Variants in PKHD1L1 observed in about 807,000 individuals in gnomAD.
PKHD1L1 encodes PKHD1 like 1.
A neutral mutation model predicts 462.9 loss-of-function variants in PKHD1L1; 434 were observed. That is an observed-to-expected ratio of 0.94 (90% confidence interval 0.87 to 1.02). The LOEUF is 1.02. Among genes scored for constraint, PKHD1L1 ranks in the 50% least tolerant of loss-of-function variants. The pLI is 0.00. For synonymous variants in PKHD1L1, 1,781 were observed against 1,750.0 expected (o/e 1.02, Z -0.44); for missense variants, 5,202 against 5,096.1 (o/e 1.02, Z -0.63).
At position 109,518,434 on chromosome 8, in the gene PKHD1L1, A is replaced by G; in HGVS notation, c.11957A>G (p.Lys3986Arg). The G allele has an allele frequency of 6.2e-7, 1 of 1,611,994 alleles. No homozygotes were observed. The highest frequency in any genetic ancestry group is 8.5e-7 in the Non-Finnish European group (1 of 1,179,574). The change falls in exon 73 of 78, where the codon AAG becomes AGG. Residue 3986 changes from lysine to arginine, a missense_variant. Physicochemically the swap from Lys to Arg is conservative, Grantham distance 26. This residue lies in a region of PKHD1L1 where 698 missense variants were observed against 736.3 expected (regional missense o/e 0.95). Coordinates refer to ENST00000378402, the MANE Select transcript of PKHD1L1 (RefSeq NM_177531.6). ...ATAAGAGGGAAGAGTCTGAGGAGGA[A>G]GAGATCCATGGGATTCATAATTGAA... Reference protein sequence around the residue: ...SKIRGKSLRRKRSMGFIIEIE... With the variant: ...SKIRGKSLRRRRSMGFIIEIE...
chr8:109,464,773 A>G lies in PKHD1L1; in HGVS notation c.7941A>G (p.Ile2647Met), dbSNP rs755388010. The change falls in exon 49 of 78, where the codon ATA becomes ATG. Residue 2647 changes from isoleucine to methionine, a missense_variant. By Grantham distance (10) the Ile-to-Met change is conservative. This residue lies in a region of PKHD1L1 where 4,497 missense variants were observed against 4,336.8 expected (regional missense o/e 1.04). Transcript: ENST00000378402. ...SCTSTVPAPA[I>M]FNSLTTWNCQ... is the part of the protein sequence containing the mutation. ...CATCTACAGTGCCTGCACCTGCAAT[A>G]TTTAACTCACTTACTACTTGGAATT... 1 of 1,613,822 alleles carries G rather than the reference A, an allele frequency of 6.2e-7. No homozygotes were observed. The highest frequency in any genetic ancestry group is 1.7e-5 in the Admixed American group (1 of 59,972).
intron 51 of PKHD1L1, among the ~76,000 whole-genome samples, chr8:109,475,945 A>G (rs1817967806): frequency 6.6e-6 from 1 of 152,002 alleles, no homozygotes; most frequent in Admixed American, 6.6e-5. Flanking sequence ...TATGGTAGAT[A>G]AAGTGGAAGC....
At chr8:109,492,631 T>C (rs1818889937) in intron 62 of PKHD1L1, among the ~76,000 whole-genome samples, 1 of 151,878 alleles carries the variant, frequency 6.6e-6, no homozygotes, top group Non-Finnish European at 1.5e-5. Context: ...AGTATACATT[T>C]ATGAGGTTAA....
chr8:109,509,525 TAGA>T (rs1819865492), intron 70 of PKHD1L1, among the ~76,000 whole-genome samples: 1 of 151,272 alleles, frequency 6.6e-6, no homozygotes, highest in South Asian at 2.1e-4. Flanking sequence ...ATGAAGGTGT[TAGA>T]AGAATCACTG....
At chr8:109,477,759 A>G (rs754521777) in intron 53 of PKHD1L1, among the ~76,000 whole-genome samples, 4 of 152,150 alleles carry the variant, frequency 2.6e-5, no homozygotes, top group Non-Finnish European at 4.4e-5. Flanking sequence ...CAGCACCAGA[A>G]ACTAAGTCTC....
chr8:109,406,437 C>T lies in PKHD1L1; in HGVS notation c.1772C>T (p.Pro591Leu), dbSNP rs1213724056. The T allele has an allele frequency of 1.9e-6, 3 of 1,601,016 alleles. No individual in the cohort carries two copies. The highest frequency in any genetic ancestry group is 2.2e-5 in the East Asian group (1 of 44,510). Reference sequence around the variant, plus strand: ...GTTCAAGTAATAAGAACACAAAATCCCCAGAGCTATGTCTACATGGTAACA... The same window carrying T: ...GTTCAAGTAATAAGAACACAAAATCTCCAGAGCTATGTCTACATGGTAACA... ...DTVQVIRTQN[P>L]QSYVYMVTFI... is the part of the protein sequence containing the mutation. Residue 591 changes from proline (P) to leucine (L), a missense_variant, in exon 17 of 78, where the codon CCC becomes CTC. Physicochemically the swap from Pro to Leu is moderately conservative, Grantham distance 98. Coordinates refer to ENST00000378402, the MANE Select transcript of PKHD1L1 (RefSeq NM_177531.6).
In PKHD1L1 at chr8:109,536,009, G is replaced by A. The variant is rs561872716; in HGVS notation, c.*5919G>A. Among the ~76,000 whole-genome samples, 206 of 152,270 alleles carry A rather than the reference G, an allele frequency of 1.4e-3. No homozygotes were observed. The highest frequency in any genetic ancestry group is 4.7e-3 in the African/African-American group (194 of 41,538). ...AAGGGAACAAAGAAGGTAGAAGCGG[G>A]GGTATGGAGGGTTGACTTCTGGCTG... On this transcript the variant is annotated 3_prime_UTR_variant, in exon 78 of 78. Transcript: ENST00000378402.
chr8:109,424,698 T>A (rs939068457), intron 23 of PKHD1L1, among the ~76,000 whole-genome samples: 7 of 152,234 alleles, frequency 4.6e-5, no homozygotes, highest in Non-Finnish European at 7.3e-5. Context: ...TACTATTTTT[T>A]AAAAAATCAT....
chr8:109,406,530 T>C (rs1813546226), intron 17 of PKHD1L1, 52 bp downstream of exon 17: 4 of 1,475,006 alleles, frequency 2.7e-6, no homozygotes, highest in Non-Finnish European at 3.6e-6. Context: ...GTATATCCTG[T>C]GCCACTCTAA....
Position 109,413,410 on chromosome 8 carries a change from T to C in PKHD1L1, c.2236-11T>C, listed in dbSNP as rs2130608713. On this transcript the variant is annotated splice_polypyrimidine_tract_variant and intron_variant, in intron 20 of 77. Coordinates refer to ENST00000378402, the MANE Select transcript of PKHD1L1 (RefSeq NM_177531.6). Reference sequence around the variant, plus strand: ...TATATTGTTACCAATGTTTTTCATATTTTTATGTAGTTATGTTTAGCATAC... The same window carrying C: ...TATATTGTTACCAATGTTTTTCATACTTTTATGTAGTTATGTTTAGCATAC... 2 of 1,472,350 alleles carry C rather than the reference T, an allele frequency of 1.4e-6. No homozygotes were observed. Among genetic ancestry groups the C allele is most frequent in the Non-Finnish European group, 1.8e-6 (2 of 1,090,014 alleles). 91.2% of individuals were successfully genotyped at this position (1,472,350 alleles called of 1,614,324 possible). A position where few individuals can be genotyped will look rare whatever the true frequency, so the allele number is the denominator to read the frequency against.
intron 71 of PKHD1L1, among the ~76,000 whole-genome samples, chr8:109,512,623 G>T (rs1820053054): frequency 6.6e-6 from 1 of 151,892 alleles, no homozygotes; most frequent in African/African-American, 2.4e-5. Context: ...TTGAAGTCAG[G>T]TAGCATGATG....
rs1821076710 is a variant in PKHD1L1 at position 109,533,108 on chromosome 8, T to C, written c.*3018T>C. On this transcript the variant is annotated 3_prime_UTR_variant, in exon 78 of 78. Transcript: ENST00000378402. Reference sequence around the variant, plus strand: ...TAACTCCAGAGCCCAAATTCCAACATTTAATTGCTTCCCACTTTTCCTCAA... The same window carrying C: ...TAACTCCAGAGCCCAAATTCCAACACTTAATTGCTTCCCACTTTTCCTCAA... 6.6e-6 allele frequency among the ~76,000 whole-genome samples: 1 copy of C among 152,196 alleles called. No homozygotes were observed. The highest frequency in any genetic ancestry group is 2.1e-4 in the South Asian group (1 of 4,826).
Position 109,404,682 on chromosome 8 carries a change from A to T in PKHD1L1, c.1502A>T (p.Lys501Ile). The T allele has an allele frequency of 5.6e-6, 9 of 1,607,462 alleles. No individual in the cohort carries two copies. The highest frequency in any genetic ancestry group is 7.6e-6 in the Non-Finnish European group (9 of 1,176,724). Residue 501 changes from lysine (K) to isoleucine (I), a missense_variant, in exon 15 of 78, where the codon AAA becomes ATA. Transcript: ENST00000378402. ...GCAGTGAATGAAGAACAAGTTATCA[A>T]ATCCCAGTCGACAATCCTCCAGGAA... ...GDAVNEEQVI[K>I]SQSTILQEVQ...
At chr8:109,495,139 ATTC>A (rs1265891863) in intron 63 of PKHD1L1, among the ~76,000 whole-genome samples, 2 of 151,846 alleles carry the variant, frequency 1.3e-5, no homozygotes. Flanking sequence ...AGCTGGTTTT[ATTC>A]TTGTGCAAAA....
At chr8:109,473,451 G>GT (rs1465315205) in intron 50 of PKHD1L1, among the ~76,000 whole-genome samples, 1 of 151,598 alleles carries the variant, frequency 6.6e-6, no homozygotes, top group Non-Finnish European at 1.5e-5. Context: ...AGGAGGCAGA[G>GT]TTTGCAGTGA....
intron 73 of PKHD1L1, among the ~76,000 whole-genome samples, chr8:109,521,602 A>C (rs891477686): frequency 6.6e-6 from 1 of 152,144 alleles, no homozygotes; most frequent in Admixed American, 6.6e-5. Context: ...GGTAAGGAGC[A>C]CTGTGGGGGC....
At chr8:109,474,662 G>GT in intron 50 of PKHD1L1, among the ~76,000 whole-genome samples, 1 of 152,172 alleles carries the variant, frequency 6.6e-6, no homozygotes, top group Admixed American at 6.5e-5. Context: ...CAGAGCTTAT[G>GT]TTTTTATATA....
chr8:109,421,224 A>T (rs1347299549), intron 23 of PKHD1L1, among the ~76,000 whole-genome samples: 1 of 151,968 alleles, frequency 6.6e-6, no homozygotes, highest in African/African-American at 2.4e-5. Context: ...TCAATGAGTT[A>T]ATATAATTTC....
intron 68 of PKHD1L1, 78 bp downstream of exon 68, chr8:109,504,570 A>C (rs1819598606): frequency 1.1e-5 from 10 of 911,558 alleles, no homozygotes; most frequent in Non-Finnish European, 1.4e-5. Flanking sequence ...GATCTGAGAA[A>C]GTTGGCATAT....
Sources: allele counts gnomAD v4.1 joint callset (sites outside exome capture counted in the v4.1 genomes callset), GRCh38; gene constraint gnomAD v4.1.1; regional missense constraint gnomAD v4.1.1; transcripts MANE v1.5; gene names NCBI Gene and HGNC (gene_info 2026-07-23, HGNC 2026-07-21).